The following GADL1 variants were observed in gnomAD, a reference collection of about 807,000 sequenced individuals.
GADL1 encodes the protein GAD like acidic amino acid decarboxylase 1.
GADL1 carries 71 observed loss-of-function variants against 69.5 expected under a neutral mutation model. The observed-to-expected ratio is 1.02, with a 90% CI of 0.84 to 1.25. The LOEUF (loss-of-function observed/expected upper bound fraction) is 1.25, where lower values mean the gene tolerates loss of function less well. Ranked by LOEUF, GADL1 falls within the 50% of genes most tolerant of loss-of-function variation. The pLI is 0.00. For missense variants in GADL1, 737 were observed against 631.8 expected, an observed-to-expected ratio of 1.17 and a Z score of -1.79; for synonymous variants, 254 against 214.4, an observed-to-expected ratio of 1.18 and a Z score of -1.62.
chr3:30,777,347 TC>T (rs899373844), intron 14 of GADL1, among the ~76,000 whole-genome samples: 7 of 152,196 alleles, frequency 4.6e-5, no homozygotes, highest in Non-Finnish European at 8.8e-5. Context: ...GCTGACTTGA[TC>T]CCACTCAAGA....
At chr3:30,819,354 G>C (rs551207760) in intron 11 of GADL1, among the ~76,000 whole-genome samples, 3 of 152,068 alleles carry the variant, frequency 2.0e-5, no homozygotes, top group African/African-American at 4.8e-5. Flanking sequence ...AAGTGTAAAA[G>C]GTAAAAATTT....
intron 11 of GADL1, among the ~76,000 whole-genome samples, chr3:30,802,217 A>G (rs2125507749): frequency 6.6e-6 from 1 of 152,250 alleles, no homozygotes. Context: ...TGCTTTCCGC[A>G]TGCAATGAGC....
At chr3:30,743,964 G>A (rs1019967056) in intron 14 of GADL1, among the ~76,000 whole-genome samples, 25 of 152,266 alleles carry the variant, frequency 1.6e-4, no homozygotes, top group Non-Finnish European at 2.9e-4. Flanking sequence ...TGGATGCTGG[G>A]GGGAAGACCA....
intron 1 of GADL1, among the ~76,000 whole-genome samples, chr3:30,873,841 C>T (rs1031868781): frequency 6.6e-6 from 1 of 151,922 alleles, no homozygotes; most frequent in Non-Finnish European, 1.5e-5. Context: ...ACAGGAGGCA[C>T]TTACTCTCAG....
chr3:30,882,819 G>C (rs957074824), intron 1 of GADL1, among the ~76,000 whole-genome samples: 1 of 151,456 alleles, frequency 6.6e-6, no homozygotes, highest in Non-Finnish European at 1.5e-5. Flanking sequence ...ATACTCTCCA[G>C]CACTTGTTAT....
rs980550729 is a variant in GADL1 at position 30,844,105 on chromosome 3, T to C, written c.786+105A>G. 1.4e-5 allele frequency: 11 copies of C among 801,686 alleles called. No individual in the cohort carries two copies. The Admixed American group carries it at 1.7e-4, about 12-fold the overall frequency. The allele number at this position is 801,686 out of a possible 1,614,324, so 49.7% of individuals were successfully genotyped here. A position where few individuals can be genotyped will look rare whatever the true frequency, so the allele number is the denominator to read the frequency against. Reference sequence around the variant, plus strand: ...CTCTCTCCCACACATAGAAATGGTTTTGGCTGTTTGCATTCTCTCCTTGCT... The same window carrying C: ...CTCTCTCCCACACATAGAAATGGTTCTGGCTGTTTGCATTCTCTCCTTGCT... On this transcript the variant is annotated intron_variant, in intron 8 of 14. Coordinates refer to ENST00000282538, the MANE Select transcript of GADL1 (RefSeq NM_207359.3).
In GADL1 at chr3:30,728,349, G is replaced by T. The variant is rs756657458; in HGVS notation, c.1459C>A (p.Arg487=). ...GSLMLGYQPH[R]GKVNFFRQVV... is the part of the protein sequence containing the mutation. ...TGGCGGAAGAAGTTGACCTTTCCCC[G>T]GTGCGGCTGGTAGCCCAGCATCAAG... The change falls in exon 15 of 15, where the codon CGG becomes AGG. Residue 487 remains arginine, a synonymous_variant. Transcript: ENST00000282538. 2.2e-5 allele frequency: 36 copies of T among 1,613,774 alleles called. No individual in the cohort carries two copies. Among genetic ancestry groups the T allele is most frequent in the Non-Finnish European group, 3.1e-5 (36 of 1,179,792 alleles).
rs149677691 is a variant in GADL1 at position 30,866,331 on chromosome 3, C to A, written c.38-4566G>T. 5.9e-5 allele frequency among the ~76,000 whole-genome samples: 9 copies of A among 152,040 alleles called. No individual in the cohort carries two copies. The East Asian group carries it at 1.8e-3, about 30-fold the overall frequency. On this transcript the variant is annotated intron_variant, in intron 1 of 14. Transcript: ENST00000282538. Reference sequence around the variant, plus strand: ...AAAATTAGCCAGGCATAGTGGCACACACCTGTAGTCCCAGCTACTTGGGAG... The same window carrying A: ...AAAATTAGCCAGGCATAGTGGCACAAACCTGTAGTCCCAGCTACTTGGGAG...
chr3:30,754,857 C>T (rs1025942329), intron 14 of GADL1, among the ~76,000 whole-genome samples: 23 of 121,724 alleles, frequency 1.9e-4, no homozygotes, highest in Admixed American at 2.2e-4. Flanking sequence ...CTGCAGGGCA[C>T]TGATTTTTTT....
At chr3:30,756,466 T>C (rs1198122733) in intron 14 of GADL1, among the ~76,000 whole-genome samples, 2 of 152,198 alleles carry the variant, frequency 1.3e-5, no homozygotes, top group Non-Finnish European at 2.9e-5. Context: ...TCTACCACTT[T>C]TTGCACTGTG....
chr3:30,849,501 A>C (rs1344241997), intron 6 of GADL1, among the ~76,000 whole-genome samples: 10 of 151,986 alleles, frequency 6.6e-5, no homozygotes, highest in Non-Finnish European at 1.5e-4. Flanking sequence ...ACTTTAGTGG[A>C]GAGTAAAATA....
intron 14 of GADL1, among the ~76,000 whole-genome samples, chr3:30,748,497 G>A (rs1409503011): frequency 1.3e-5 from 2 of 152,114 alleles, no homozygotes; most frequent in South Asian, 2.1e-4. Flanking sequence ...CGGAATGTCA[G>A]CATCTGGAAT....
intron 1 of GADL1, among the ~76,000 whole-genome samples, chr3:30,891,573 C>G (rs539511368): frequency 2.0e-5 from 3 of 151,518 alleles, no homozygotes; most frequent in Non-Finnish European, 2.9e-5. Context: ...TGTAGGGGTG[C>G]GGGACTCTGG....
intron 11 of GADL1, among the ~76,000 whole-genome samples, chr3:30,804,241 CT>C (rs1697214093): frequency 2.0e-5 from 3 of 152,204 alleles, no homozygotes; most frequent in South Asian, 4.2e-4. Context: ...CTATTGTAGC[CT>C]ATATTGGCCT....
At chr3:30,893,572 A>G (rs1698814198) in intron 1 of GADL1, among the ~76,000 whole-genome samples, 3 of 151,898 alleles carry the variant, frequency 2.0e-5, no homozygotes, top group Admixed American at 2.0e-4. Context: ...CTAACTTTCT[A>G]CTTCTAAGTG....
chr3:30,778,055 A>G (rs901422799), intron 14 of GADL1, 124 bp downstream of exon 14: 6 of 604,878 alleles, frequency 9.9e-6, no homozygotes, highest in African/African-American at 7.4e-5. Flanking sequence ...ACTTTTTAAC[A>G]AACTAGAAGA....
intron 2 of GADL1, among the ~76,000 whole-genome samples, chr3:30,858,569 A>G (rs1354403792): frequency 6.6e-6 from 1 of 152,044 alleles, no homozygotes; most frequent in African/African-American, 2.4e-5. Flanking sequence ...GCCAAGGATC[A>G]TCCCAAGGTT....
chr3:30,797,944 A>G (rs148632197), intron 12 of GADL1: 2 of 152,318 alleles, frequency 1.3e-5, no homozygotes, highest in East Asian at 3.9e-4. Flanking sequence ...CCTGTCCACC[A>G]CTGATCTAAG....
At chr3:30,758,951 C>T (rs1171534753) in intron 14 of GADL1, among the ~76,000 whole-genome samples, 7 of 152,202 alleles carry the variant, frequency 4.6e-5, no homozygotes, top group African/African-American at 1.7e-4. Flanking sequence ...CAGAGGCTTA[C>T]ACATTTCCAA....
Sources: gnomAD v4.1 joint callset for allele counts (sites outside exome capture counted in the v4.1 genomes callset) on GRCh38, gnomAD v4.1.1 for gene constraint, MANE v1.5 for transcripts, NCBI Gene and HGNC (gene_info 2026-07-23, HGNC 2026-07-21) for gene names.